The following ANKAR variants were observed in gnomAD, a reference collection of about 807,000 sequenced individuals.
ANKAR encodes the protein ankyrin and armadillo repeat containing.
Under a neutral mutation model 146.2 loss-of-function variants are expected in ANKAR, and 136 were observed. The ratio of observed to expected loss-of-function variants is 0.93; its 90% CI spans 0.81 to 1.07. The LOEUF (loss-of-function observed/expected upper bound fraction) is 1.07. ANKAR is among the 50% of genes least tolerant of loss of function. The pLI is 0.00. For synonymous variants in ANKAR, 500 were observed against 575.8 expected, an observed-to-expected ratio of 0.87 and a Z score of 1.88; for missense variants, 1,567 against 1,679.9, an observed-to-expected ratio of 0.93 and a Z score of 1.18.
rs113599803 is a variant in ANKAR at position 189,730,495 on chromosome 2, G to C, written c.3194G>C (p.Gly1065Ala). 7 of 1,584,388 alleles carry C rather than the reference G, an allele frequency of 4.4e-6. No homozygotes were observed. The highest frequency in any genetic ancestry group is 6.0e-6 in the Non-Finnish European group (7 of 1,158,704). The change falls in exon 16 of 23, where the codon GGT becomes GCT. Residue 1065 changes from glycine (G) to alanine (A), a missense_variant and splice_region_variant. Transcript: ENST00000684021. The stretch of plus-strand genomic sequence containing the variant: ...ACCTCACTGGCGTGGACTCTTACAG[G>C]TGTAGCCCATACAAGCAATCCTGTC... ...VIRAVGSICIGVAHTSNPVSQ... is the reference protein window; with the variant it reads ...VIRAVGSICIAVAHTSNPVSQ...
At chr2:189,737,879 T>C in intron 18 of ANKAR, 38 bp downstream of exon 18, 1 of 1,478,624 alleles carries the variant, frequency 6.8e-7, no homozygotes, top group Non-Finnish European at 8.9e-7. Context: ...TTAATAAATA[T>C]GTCATTTTGT....
intron 10 of ANKAR, among the ~76,000 whole-genome samples, chr2:189,714,343 C>T (rs13033956): frequency 0.98 from 149,326 of 152,172 alleles, 73,327 homozygotes; most frequent in East Asian, 1. Context: ...TACTCCAAAC[C>T]TGACCACATA....
In ANKAR at chr2:189,693,062, C is replaced by A; in HGVS notation, c.1204-12C>A. ...TAAGGATATGTCTTTAGTAACATAA[C>A]TCATATTTTAGAAAAATTTAGAAAA... On this transcript the variant is annotated splice_polypyrimidine_tract_variant and intron_variant, in intron 4 of 22. Transcript: ENST00000684021. 2 of 1,335,146 alleles carry A rather than the reference C, an allele frequency of 1.5e-6. No individual in the cohort carries two copies. Among genetic ancestry groups the A allele is most frequent in the Non-Finnish European group, 2.1e-6 (2 of 955,866 alleles). 82.7% of individuals were successfully genotyped at this position (1,335,146 alleles called of 1,614,324 possible).
At chr2:189,722,195 T>C (rs1033592148) in intron 12 of ANKAR, among the ~76,000 whole-genome samples, 3 of 151,834 alleles carry the variant, frequency 2.0e-5, no homozygotes, top group Non-Finnish European at 2.9e-5. Flanking sequence ...AAAAATCAGC[T>C]GGGTGTGGTG....
chr2:189,736,502 T>TTTTGTGTG, intron 17 of ANKAR, among the ~76,000 whole-genome samples: 1 of 142,066 alleles, frequency 7.0e-6, no homozygotes, highest in Middle Eastern at 3.5e-3. Context: ...TGACTGGGTT[T>TTTTGTGTG]TGTGTGTGTG....
Position 189,728,322 on chromosome 2 carries a change from G to T in ANKAR, c.2933G>T (p.Gly978Val), listed in dbSNP as rs1307557213. The T allele has an allele frequency of 6.2e-7, 1 of 1,613,124 alleles. No individual in the cohort carries two copies. The highest frequency in any genetic ancestry group is 8.5e-7 in the Non-Finnish European group (1 of 1,179,752). The change falls in exon 14 of 23, where the codon GGA (glycine) becomes GTA (valine). Residue 978 changes from glycine (G) to valine (V), a missense_variant. Transcript: ENST00000684021. ...GCTGTTGCACTTTGGGCCTTGGCAGGACAAACACTAAAACAACAAAAATAT... is the reference window on the plus strand; with the variant it reads ...GCTGTTGCACTTTGGGCCTTGGCAGTACAAACACTAAAACAACAAAAATAT... Reference protein sequence around the residue: ...QGAVALWALAGQTLKQQKYMA... With the variant: ...QGAVALWALAVQTLKQQKYMA...
At chr2:189,737,096 A>T (rs2042929880) in intron 17 of ANKAR, among the ~76,000 whole-genome samples, 1 of 140,430 alleles carries the variant, frequency 7.1e-6, no homozygotes, top group African/African-American at 2.7e-5. Context: ...AAAAAGAAAA[A>T]AAAAGAAAAG....
chr2:189,729,511 C>T (rs2042196947), intron 15 of ANKAR, among the ~76,000 whole-genome samples: 1 of 152,112 alleles, frequency 6.6e-6, no homozygotes, highest in African/African-American at 2.4e-5. Flanking sequence ...ATTCACAATT[C>T]CAAGATAATC....
At chr2:189,720,059 A>G (rs752236505) in intron 11 of ANKAR, among the ~76,000 whole-genome samples, 9 of 152,120 alleles carry the variant, frequency 5.9e-5, no homozygotes, top group Non-Finnish European at 1.3e-4. Context: ...CTGTTTACCA[A>G]TTACAGTGCA....
intron 10 of ANKAR, among the ~76,000 whole-genome samples, chr2:189,712,502 A>G (rs1194486752): frequency 6.6e-6 from 1 of 152,218 alleles, no homozygotes; most frequent in African/African-American, 2.4e-5. Context: ...ACCTCCAGCA[A>G]ACTCCGACAG....
intron 3 of ANKAR, among the ~76,000 whole-genome samples, chr2:189,691,405 C>T (rs2036378071): frequency 6.6e-6 from 1 of 152,068 alleles, no homozygotes; most frequent in Non-Finnish European, 1.5e-5. Flanking sequence ...CATTACTTTC[C>T]AGAAATATGG....
At chr2:189,746,755 A>G, downstream of ANKAR, 2 of 951,734 alleles carry the variant, frequency 2.1e-6, no homozygotes, top group South Asian at 2.0e-5. Context: ...CTCGATACTA[A>G]GCAGATTTTC....
intron 20 of ANKAR, among the ~76,000 whole-genome samples, chr2:189,742,865 G>GACACAC (rs58780931): frequency 0.04 from 1,716 of 42,998 alleles, 64 homozygotes; most frequent in Middle Eastern, 0.15. Context: ...AGAATTACCT[G>GACACAC]ACACACACAC....
intron 4 of ANKAR, 71 bp from the exon 5 acceptor site, chr2:189,693,003 A>G (rs1464192026): frequency 4.8e-6 from 4 of 826,552 alleles, no homozygotes; most frequent in Non-Finnish European, 5.6e-6. Context: ...ATACTCTTTC[A>G]TACAAAGAAT....
At chr2:189,679,174 T>C (rs2034242573) in intron 2 of ANKAR, among the ~76,000 whole-genome samples, 1 of 152,138 alleles carries the variant, frequency 6.6e-6, no homozygotes, top group Non-Finnish European at 1.5e-5. Flanking sequence ...GTATTTTATT[T>C]TATGTTATGT....
In ANKAR at chr2:189,735,081, C is replaced by G. The variant is rs1196715247; in HGVS notation, c.3423+1852C>G. On this transcript the variant is annotated intron_variant, in intron 17 of 22. Transcript: ENST00000684021. ...GGAGACTAAATGAATGTCTACCTGA[C>G]TCTCTAAGCCACCTTTTGCCCCTCT... is the stretch of plus-strand genomic sequence containing the variant. Among the ~76,000 whole-genome samples the G allele has an allele frequency of 2.0e-5, 3 of 151,526 alleles. 1 individual carries two copies. The highest frequency in any genetic ancestry group is 6.6e-5 in the Admixed American group (1 of 15,174).
At chr2:189,691,302 C>T (rs567983429) in intron 3 of ANKAR, among the ~76,000 whole-genome samples, 35 of 152,326 alleles carry the variant, frequency 2.3e-4, no homozygotes, top group Non-Finnish European at 4.1e-4. Flanking sequence ...GTGATCCACC[C>T]GCCTCGGCCT....
Position 189,699,812 on chromosome 2 carries a change from G to T in ANKAR, c.1708+3443G>T, listed in dbSNP as rs114572598. The stretch of plus-strand genomic sequence containing the variant: ...CTCCCATGTAGCTGGGATTACAGAT[G>T]TGCACCACTACACCGTATATGTTTT... On this transcript the variant is annotated intron_variant, in intron 7 of 22. Coordinates refer to ENST00000684021, the MANE Select transcript of ANKAR (RefSeq NM_001378068.1). Among the ~76,000 whole-genome samples, 1,022 of 151,466 alleles carry T rather than the reference G, an allele frequency of 6.7e-3. 6 individuals are homozygous for T. Among genetic ancestry groups the T allele is most frequent in the Admixed American group, 0.015 (232 of 15,178 alleles).
Position 189,736,502 on chromosome 2 carries a change from T to TTTTTTTTTTTG in ANKAR, c.3424-1180_3424-1179insTTTTTTTTTGT, listed in dbSNP as rs1422561376. Among the ~76,000 whole-genome samples the TTTTTTTTTTTG allele has an allele frequency of 4.5e-3, 637 of 142,056 alleles. 36 individuals carry two copies. Among genetic ancestry groups the TTTTTTTTTTTG allele is most frequent in the African/African-American group, 0.015 (596 of 39,122 alleles). 93.2% of individuals were successfully genotyped at this position (142,056 alleles called of 152,430 possible). ...TTTTGCCTATTTAGGTGACTGGGTTTTGTGTGTGTGTGTGTGTGTGTGTGT... is the reference window on the plus strand; with the variant it reads ...TTTTGCCTATTTAGGTGACTGGGTTTTTTTTTTTTTGTGTGTGTGTGTGTGTGTGTGTGTGT... On this transcript the variant is annotated intron_variant, in intron 17 of 22. Transcript: ENST00000684021.
Sources: gnomAD v4.1 joint callset for allele counts (sites outside exome capture counted in the v4.1 genomes callset) on GRCh38, gnomAD v4.1.1 for gene constraint, MANE v1.5 for transcripts, NCBI Gene and HGNC (gene_info 2026-07-23, HGNC 2026-07-21) for gene names.